C1S: variants seen among roughly 807,000 people sequenced by gnomAD.
C1S encodes the protein complement C1s, also known as complement C1s subcomponent.
In C1S, 31 loss-of-function variants were observed where a neutral mutation model predicts 54.0. That is an observed-to-expected ratio of 0.57 (90% confidence interval 0.43 to 0.78). C1S has a LOEUF of 0.78. Ranked by LOEUF, C1S falls within the 30% of genes least tolerant of loss-of-function variation. The pLI is 0.00. For synonymous variants in C1S, 292 were observed against 303.6 expected (o/e 0.96, Z 0.40); for missense variants, 727 against 851.8 (o/e 0.85, Z 1.82).
intron 4 of C1S, chr12:7,064,051 C>CG: frequency 1.6e-6 from 1 of 616,306 alleles, no homozygotes; most frequent in South Asian, 1.5e-5. Flanking sequence ...CACACACCCC[C>CG]GAGCTTCCTT....
intron 6 of C1S, 40 bp downstream of exon 6, chr12:7,065,339 CAG>C (rs782395296): frequency 1.3e-6 from 2 of 1,486,440 alleles, no homozygotes; most frequent in South Asian, 1.1e-5. Context: ...TTAACTTACA[CAG>C]AGAGATCTCT....
Position 7,065,128 on chromosome 12 carries a change from A to G in C1S, c.546A>G (p.Ala182=), listed in dbSNP as rs149258950. 14 of 1,614,034 alleles carry G rather than the reference A, an allele frequency of 8.7e-6. No individual in the cohort carries two copies. The East Asian group carries it at 3.1e-4, about 36-fold the overall frequency. Residue 182 remains alanine, a synonymous_variant, in exon 6 of 12, where the codon GCA becomes GCG. Coordinates refer to ENST00000360817, the MANE Select transcript of C1S (RefSeq NM_001734.5). The stretch of plus-strand genomic sequence containing the variant: ...ATTGCAGTGGGGATGTATTCACTGC[A>G]CTGATTGGGGAGATTGCAAGTCCCA... The part of the protein sequence containing the change: ...GVNCSGDVFT[A]LIGEIASPNY...
intron 11 of C1S, among the ~76,000 whole-genome samples, chr12:7,069,312 C>T (rs1184070013): frequency 6.6e-6 from 1 of 152,236 alleles, no homozygotes; most frequent in Admixed American, 6.5e-5. Flanking sequence ...AGTGAGAGGT[C>T]AGGGCCAAAG....
intron 7 of C1S, chr12:7,066,291 G>A (rs1260673833): frequency 4.0e-5 from 25 of 625,434 alleles, no homozygotes; most frequent in Non-Finnish European, 6.8e-5. Context: ...TGCTAGAAAT[G>A]CCTCAACCTC....
chr12:7,064,048 C>T (rs782047200), intron 4 of C1S: 5 of 566,258 alleles, frequency 8.8e-6, no homozygotes, highest in Non-Finnish European at 1.7e-5. Flanking sequence ...ACACACACAC[C>T]CCCGAGCTTC....
At chr12:7,064,646 C>T (rs185923667) in intron 5 of C1S, among the ~76,000 whole-genome samples, 24 of 152,108 alleles carry the variant, frequency 1.6e-4, no homozygotes, top group Non-Finnish European at 2.2e-4. Flanking sequence ...GTTACTTGAG[C>T]GGTGTACACT....
Position 7,064,210 on chromosome 12 carries a change from C to G in C1S, c.392-57C>G. 6 of 1,600,790 alleles carry G rather than the reference C, an allele frequency of 3.7e-6. No homozygotes were observed. The South Asian group carries it at 6.6e-5, about 18-fold the overall frequency. ...TTACCCTTATGGTTTTGGATTTAACCTCATTCTCCCTTCTTGGTGTTTGTT... is the reference window on the plus strand; with the variant it reads ...TTACCCTTATGGTTTTGGATTTAACGTCATTCTCCCTTCTTGGTGTTTGTT... On this transcript the variant is annotated intron_variant, in intron 4 of 11. Transcript: ENST00000360817.
rs782196813 is a variant in C1S, at chr12:7,062,673, C to G, written c.204C>G (p.Asp68Glu). ...AGCTGTCAGAGAACTGTGCGTATGA[C>G]TCAGTGCAGGTATGTTATAAGCACA... ...DIELSENCAY[D>E]SVQIISGDTE... The change falls in exon 3 of 12, where the codon GAC (aspartate) becomes GAG (glutamate). Residue 68 changes from aspartate to glutamate, a missense_variant. By Grantham distance (45) the Asp-to-Glu change is conservative. Around this residue, in one of 3 missense-constraint regions of C1S, gnomAD observed 357 missense variants for 365.4 expected, o/e 0.98. Transcript: ENST00000360817. 31 of 1,613,394 alleles carry G rather than the reference C, an allele frequency of 1.9e-5. No individual in the cohort carries two copies. Among genetic ancestry groups the G allele is most frequent in the Non-Finnish European group, 2.3e-5 (27 of 1,179,638 alleles).
At position 7,064,035 on chromosome 12, in the gene C1S, T is replaced by TACATACACAC. The variant is rs1947135484; in HGVS notation, c.392-229_392-228insTACACACACA. ...GGTGACAGAGTGAGGCTATGTCACT[T>TACATACACAC]ACACACACACACCCCCGAGCTTCCT... On this transcript the variant is annotated intron_variant, in intron 4 of 11. Coordinates refer to ENST00000360817, the MANE Select transcript of C1S (RefSeq NM_001734.5). 5.3e-6 allele frequency: 3 copies of TACATACACAC among 571,140 alleles called. No individual in the cohort carries two copies. The African/African-American group carries it at 5.7e-5, about 11-fold the overall frequency. The allele number at this position is 571,140 out of a possible 1,614,324, so 35.4% of individuals were successfully genotyped here. A position where few individuals can be genotyped will look rare whatever the true frequency, so the allele number is the denominator to read the frequency against.
Position 7,070,641 on chromosome 12 carries a change from G to T in C1S, c.2057G>T (p.Arg686Leu), listed in dbSNP as rs782484390. ...ACTATGCAGGAAAATAGCACCCCCC[G>T]TGAGGACTAATCCAGATACATCCCA... ...MKTMQENSTP[R>L]ED is the part of the protein sequence containing the mutation. The change falls in exon 12 of 12, where the codon CGT becomes CTT. Residue 686 changes from arginine to leucine, a missense_variant. Physicochemically the swap from Arg to Leu is moderately radical, Grantham distance 102. Coordinates refer to ENST00000360817, the MANE Select transcript of C1S (RefSeq NM_001734.5). This position sits in a 1 kb window ranked among gnomAD's most constrained non-coding sequence, Gnocchi z 4.9. 4 of 1,613,710 alleles carry T rather than the reference G, an allele frequency of 2.5e-6. No individual in the cohort carries two copies. In the South Asian group the frequency reaches 3.3e-5, roughly 13 times the overall value.
At position 7,061,922 on chromosome 12, in the gene C1S, G is replaced by A. The variant is rs1555161328; in HGVS notation, c.5+5G>A. On this transcript the variant is annotated splice_donor_5th_base_variant and intron_variant, in intron 2 of 11. Transcript: ENST00000360817. The stretch of plus-strand genomic sequence containing the variant: ...GGACAAATCGCCAGAGATGTGGTAA[G>A]TGATCAAGGGTCCCTGAGATGACAC... The A allele has an allele frequency of 6.2e-6, 10 of 1,613,822 alleles. No individual in the cohort carries two copies. In the East Asian group the frequency reaches 2.2e-4, roughly 36 times the overall value.
chr12:7,065,072 A>C (rs1427893196), intron 5 of C1S, 28 bp from the exon 6 acceptor site: 2 of 1,573,168 alleles, frequency 1.3e-6, no homozygotes, highest in African/African-American at 2.7e-5. Context: ...CCTGTATTTG[A>C]TTCTCCCTTT....
chr12:7,065,001 C>A, intron 5 of C1S, 99 bp from the exon 6 acceptor site: 1 of 1,035,450 alleles, frequency 9.7e-7, no homozygotes, highest in Non-Finnish European at 1.5e-6. Context: ...AGTTTGAATG[C>A]AGGACTGTCA....
chr12:7,063,142 C>A (rs1947122407), intron 4 of C1S, 75 bp downstream of exon 4: 1 of 1,322,530 alleles, frequency 7.6e-7, no homozygotes, highest in African/African-American at 1.4e-5. Flanking sequence ...CTGAGCAACA[C>A]ATTGAATGAG....
chr12:7,069,713 G>C, intron 11 of C1S, 142 bp from the exon 12 acceptor site: 1 of 793,576 alleles, frequency 1.3e-6, no homozygotes, highest in Non-Finnish European at 2.2e-6. Flanking sequence ...CAGGTATTGA[G>C]ATTGTTGACC....
chr12:7,068,372 G>A (rs188922499), intron 10 of C1S, 84 bp from the exon 11 acceptor site: 39 of 949,620 alleles, frequency 4.1e-5, no homozygotes, highest in Non-Finnish European at 6.8e-5. Flanking sequence ...TGAAGGAACG[G>A]GGCAGGGTGT....
At chr12:7,067,272 C>T (rs1937692445) in intron 9 of C1S, 155 bp downstream of exon 9, 2 of 697,574 alleles carry the variant, frequency 2.9e-6, no homozygotes, top group East Asian at 2.7e-5. Context: ...TTTTCTAGTC[C>T]CAGCCCCGCA....
rs781831335 is a variant in C1S at position 7,061,819 on chromosome 12, C to G, written c.-74-20C>G. The G allele has an allele frequency of 2.1e-6, 3 of 1,399,580 alleles. No individual in the cohort carries two copies. The highest frequency in any genetic ancestry group is 3.0e-6 in the Non-Finnish European group (3 of 986,138). 86.7% of individuals were successfully genotyped at this position (1,399,580 alleles called of 1,614,324 possible). On this transcript the variant is annotated intron_variant, in intron 1 of 11. Transcript: ENST00000360817. Reference sequence around the variant, plus strand: ...GCTTGTGTTTGTCAGACAAATACAGCCAGGCCTGCCACCCCTTAGGCTCCA... The same window carrying G: ...GCTTGTGTTTGTCAGACAAATACAGGCAGGCCTGCCACCCCTTAGGCTCCA...
At position 7,070,034 on chromosome 12, in the gene C1S, A is replaced by G. The variant is rs1555162946; in HGVS notation, c.1450A>G (p.Thr484Ala). ...TGTTGTGGAGGGAAACAGGGAGCCA[A>G]CAATGTATGTTGGGTCCACCTCAGT... ...AHVVEGNREP[T>A]MYVGSTSVQT... Residue 484 changes from threonine to alanine, a missense_variant, in exon 12 of 12, where the codon ACA becomes GCA. Around this residue, in one of 3 missense-constraint regions of C1S, gnomAD observed 360 missense variants for 453.6 expected, o/e 0.79. Coordinates refer to ENST00000360817, the MANE Select transcript of C1S (RefSeq NM_001734.5). This position sits in a 1 kb window ranked among gnomAD's most constrained non-coding sequence, Gnocchi z 4.9. The G allele has an allele frequency of 6.2e-7, 1 of 1,614,188 alleles. No individual in the cohort carries two copies. The highest frequency in any genetic ancestry group is 1.7e-5 in the Admixed American group (1 of 60,026).
Sources: gnomAD v4.1 joint callset for allele counts (sites outside exome capture counted in the v4.1 genomes callset) on GRCh38, gnomAD v4.1.1 for gene constraint, gnomAD v4.1.1 regional missense constraint, Gnocchi (gnomAD v3.1) non-coding constraint, MANE v1.5 for transcripts, NCBI Gene and HGNC (gene_info 2026-07-23, HGNC 2026-07-21) for gene names.